Variants in SYNE1 observed in about 807,000 individuals in gnomAD.
The protein encoded by SYNE1 is spectrin repeat containing nuclear envelope protein 1.
In SYNE1, 616 loss-of-function variants were observed where a neutral mutation model predicts 1,111.0. The observed-to-expected ratio is 0.55, with a 90% CI of 0.52 to 0.59. The LOEUF is 0.59. SYNE1 is among the 20% of genes least tolerant of loss of function. The pLI, the probability that SYNE1 is intolerant of heterozygous loss-of-function variation, is 0.00. For missense variants in SYNE1, 10,006 were observed against 10,417.0 expected (o/e 0.96, Z 1.72); for synonymous variants, 3,855 against 3,825.8 (o/e 1.01, Z -0.28).
intron 124 of SYNE1, among the ~76,000 whole-genome samples, chr6:152,208,599 C>T (rs928699720): frequency 2.0e-5 from 3 of 152,190 alleles, no homozygotes; most frequent in African/African-American, 7.2e-5. Context: ...TCTTGTGGGA[C>T]ACACTGCAGG....
chr6:152,230,843 G>C, intron 114 of SYNE1, 141 bp from the exon 115 acceptor site: 1 of 992,934 alleles, frequency 1.0e-6, no homozygotes, highest in Non-Finnish European at 1.5e-6. Context: ...TTTAAAACAG[G>C]GGTGTCTAAT....
At chr6:152,435,384 T>C (rs1481664219) in intron 33 of SYNE1, 1 of 152,004 alleles carries the variant, frequency 6.6e-6, no homozygotes, top group Non-Finnish European at 1.5e-5. Flanking sequence ...AAGCAGTTTT[T>C]TTTTTTCAGA....
chr6:152,344,199 T>C lies in SYNE1; in HGVS notation c.12107A>G (p.Gln4036Arg), dbSNP rs1046696764. 21 of 1,614,118 alleles carry C rather than the reference T, an allele frequency of 1.3e-5. No individual in the cohort carries two copies. Among genetic ancestry groups the C allele is most frequent in the Non-Finnish European group, 1.8e-5 (21 of 1,180,046 alleles). The change falls in exon 74 of 146, where the codon CAG becomes CGG. Residue 4036 changes from glutamine to arginine, a missense_variant. Coordinates refer to ENST00000367255, the MANE Select transcript of SYNE1 (RefSeq NM_182961.4). ...RMYQSLEHEL[Q>R]KHVSRQDTLQ... The stretch of plus-strand genomic sequence containing the variant: ...GGTGTCTTGTCGGCTGACGTGCTTC[T>C]GAAGTTCGTGTTCCAAACTCTGGTA...
chr6:152,202,088 T>C, intron 126 of SYNE1, 139 bp from the exon 127 acceptor site: 1 of 1,157,798 alleles, frequency 8.6e-7, no homozygotes, highest in Non-Finnish European at 1.2e-6. Context: ...GGCTCACGCG[T>C]GTAATCCCAG....
Position 152,365,122 on chromosome 6 carries a change from G to T in SYNE1, c.9973-103C>A. 2.8e-6 allele frequency: 4 copies of T among 1,453,730 alleles called. No homozygotes were observed. In the South Asian group the frequency reaches 4.7e-5, roughly 17 times the overall value. 90.1% of individuals were successfully genotyped at this position (1,453,730 alleles called of 1,614,324 possible). A position where few individuals can be genotyped will look rare whatever the true frequency, so the allele number is the denominator to read the frequency against. On this transcript the variant is annotated intron_variant, in intron 62 of 145. Coordinates refer to ENST00000367255, the MANE Select transcript of SYNE1 (RefSeq NM_182961.4). ...AGATCACAGAATAATATGCAATTGT[G>T]CCCAGCCCTGGAGCTCCCAGTCGGC...
rs2099624398 is a variant in SYNE1, at chr6:152,609,191, G to A, written c.67+19074C>T. Among the ~76,000 whole-genome samples, 3 of 152,214 alleles carry A rather than the reference G, an allele frequency of 2.0e-5. No individual in the cohort carries two copies. The South Asian group carries it at 6.2e-4, about 32-fold the overall frequency. On this transcript the variant is annotated intron_variant, in intron 3 of 145. Transcript: ENST00000367255. ...GCACCGCCTCACCTCGGAAGTGCAA[G>A]GGGTTGGGGGATTTCCCTTTCTTAG... is the stretch of plus-strand genomic sequence containing the variant.
intron 115 of SYNE1, among the ~76,000 whole-genome samples, chr6:152,228,498 G>T (rs1287313095): frequency 6.6e-6 from 1 of 151,990 alleles, no homozygotes; most frequent in Non-Finnish European, 1.5e-5. Flanking sequence ...ATGGAAAATG[G>T]CAGAAAAAGC....
chr6:152,145,478 T>A, intron 137 of SYNE1: 1 of 1,613,704 alleles, frequency 6.2e-7, no homozygotes, highest in Non-Finnish European at 8.5e-7. Flanking sequence ...TCCGGCTTGT[T>A]GTGCCTACCG....
intron 14 of SYNE1, among the ~76,000 whole-genome samples, chr6:152,474,368 A>G (rs1277081508): frequency 6.6e-6 from 1 of 152,158 alleles, no homozygotes; most frequent in Non-Finnish European, 1.5e-5. Flanking sequence ...CAAAAACTAG[A>G]TCACAGACCT....
intron 3 of SYNE1, among the ~76,000 whole-genome samples, chr6:152,595,640 T>C (rs992226252): frequency 3.9e-5 from 6 of 152,196 alleles, no homozygotes; most frequent in Non-Finnish European, 5.9e-5. Context: ...AACTATATAT[T>C]CTTTCCCGAA....
chr6:152,547,286 T>C (rs532142236), intron 3 of SYNE1, among the ~76,000 whole-genome samples: 1 of 152,268 alleles, frequency 6.6e-6, no homozygotes, highest in African/African-American at 2.4e-5. Flanking sequence ...CTAAGACATA[T>C]GGCATTGGTC....
At chr6:152,218,904 G>C (rs2079401966) in intron 120 of SYNE1, 99 bp downstream of exon 120, 2 of 1,244,950 alleles carry the variant, frequency 1.6e-6, no homozygotes, top group Admixed American at 3.4e-5. Flanking sequence ...AGTCTTGAAG[G>C]AGGCATTGTT....
chr6:152,366,858 C>G (rs912456192), intron 62 of SYNE1: 2 of 386,526 alleles, frequency 5.2e-6, no homozygotes, highest in Admixed American at 3.4e-5. Flanking sequence ...TGGCTAAATA[C>G]AGGAAGACAA....
intron 42 of SYNE1, 122 bp from the exon 43 acceptor site, chr6:152,409,831 A>G (rs1046422288): frequency 2.9e-6 from 3 of 1,038,808 alleles, no homozygotes; most frequent in Non-Finnish European, 4.3e-6. Flanking sequence ...GGATTCCTAC[A>G]TACTGTCCTC....
rs1453141306 is a variant in SYNE1, at chr6:152,511,188, C to A, written c.310-85G>T. On this transcript the variant is annotated intron_variant, in intron 6 of 145. Transcript: ENST00000367255. ...ATGTAACAATTAGGCCTTTAGTAGA[C>A]ATCAATAAGATTTGATCATGCCTAT... 6 of 1,208,074 alleles carry A rather than the reference C, an allele frequency of 5.0e-6. No individual in the cohort carries two copies. The Admixed American group carries it at 1.0e-4, about 21-fold the overall frequency. 74.8% of individuals were successfully genotyped at this position (1,208,074 alleles called of 1,614,324 possible). A position where few individuals can be genotyped will look rare whatever the true frequency, so the allele number is the denominator to read the frequency against.
rs1036695873 is a variant in SYNE1, at chr6:152,409,803, G to C, written c.6231-94C>G. On this transcript the variant is annotated intron_variant, in intron 42 of 145. Coordinates refer to ENST00000367255, the MANE Select transcript of SYNE1 (RefSeq NM_182961.4). ...GGACTTGATGTTTCACTACGTAAAG[G>C]TATTAATACTCATAGACGGATTCCT... 5 of 1,330,810 alleles carry C rather than the reference G, an allele frequency of 3.8e-6. No individual in the cohort carries two copies. In the African/African-American group the frequency reaches 7.2e-5, roughly 19 times the overall value. 82.4% of individuals were successfully genotyped at this position (1,330,810 alleles called of 1,614,324 possible). A position where few individuals can be genotyped will look rare whatever the true frequency, so the allele number is the denominator to read the frequency against.
At position 152,505,404 on chromosome 6, in the gene SYNE1, G is replaced by T. The variant is rs1328050233; in HGVS notation, c.582-7C>A. 2 of 1,613,496 alleles carry T rather than the reference G, an allele frequency of 1.2e-6. No homozygotes were observed. Among genetic ancestry groups the T allele is most frequent in the Admixed American group, 1.7e-5 (1 of 59,998 alleles). On this transcript the variant is annotated splice_polypyrimidine_tract_variant and splice_region_variant and intron_variant, in intron 8 of 145. Transcript: ENST00000367255. ...TACTTCTATTCCAGTCTGCCTTTGT[G>T]TTATAAAAACATAAAATGATGTCAC...
In SYNE1 at chr6:152,213,729, C is replaced by T. The variant is rs1477094483; in HGVS notation, c.22377G>A (p.Gln7459=). 1 of 1,613,934 alleles carries T rather than the reference C, an allele frequency of 6.2e-7. No homozygotes were observed. Among genetic ancestry groups the T allele is most frequent in the East Asian group, 2.2e-5 (1 of 44,866 alleles). The change falls in exon 123 of 146, where the codon CAG becomes CAA. Residue 7459 remains glutamine (Q), a synonymous_variant. Coordinates refer to ENST00000367255, the MANE Select transcript of SYNE1 (RefSeq NM_182961.4). ...SKLQSFLLQH[Q]TFLEKCETWM... is the part of the protein sequence containing the mutation. ...ATGTTTCACATTTTTCCAAGAAAGT[C>T]TGATGTTGTAGCAAAAATGACTGCA...
At chr6:152,510,981 T>C (rs753264640) in intron 7 of SYNE1, 30 bp downstream of exon 7, 19 of 1,587,658 alleles carry the variant, frequency 1.2e-5, no homozygotes, top group Non-Finnish European at 1.5e-5. Context: ...AGACATTGCA[T>C]CAACTGAAAG....
Sources: allele counts gnomAD v4.1 joint callset (sites outside exome capture counted in the v4.1 genomes callset), GRCh38; gene constraint gnomAD v4.1.1; transcripts MANE v1.5; gene names NCBI Gene and HGNC (gene_info 2026-07-23, HGNC 2026-07-21).